The following PTPRJ variants were observed in gnomAD, a reference collection of about 807,000 sequenced individuals.
PTPRJ encodes the protein receptor-type tyrosine-protein phosphatase eta.
Under a neutral mutation model 141.3 loss-of-function variants are expected in PTPRJ, and 129 were observed. The observed-to-expected ratio is 0.91, with a 90% confidence interval of 0.79 to 1.06. The LOEUF (loss-of-function observed/expected upper bound fraction) is 1.06, where lower values mean the gene tolerates loss of function less well. PTPRJ is among the 50% of genes least tolerant of loss of function. The pLI, the probability that PTPRJ is intolerant of heterozygous loss-of-function variation, is 0.00. For synonymous variants in PTPRJ, 610 were observed against 640.5 expected (o/e 0.95, Z 0.72); for missense variants, 1,601 against 1,679.7 (o/e 0.95, Z 0.82).
intron 1 of PTPRJ, among the ~76,000 whole-genome samples, chr11:47,994,656 T>G (rs1291418607): frequency 6.6e-6 from 1 of 151,718 alleles, no homozygotes; most frequent in East Asian, 1.9e-4. Context: ...CAGGGTGAGA[T>G]TCTGTCTCAA....
intron 1 of PTPRJ, among the ~76,000 whole-genome samples, chr11:48,092,451 A>G (rs1377423727): frequency 6.6e-6 from 1 of 150,738 alleles, no homozygotes; most frequent in Admixed American, 6.6e-5. Context: ...TTTTTTTGAG[A>G]CAGAGTCTTG....
At chr11:48,138,045 C>T (rs929007679) in intron 10 of PTPRJ, among the ~76,000 whole-genome samples, 2 of 152,180 alleles carry the variant, frequency 1.3e-5, no homozygotes, top group African/African-American at 2.4e-5. Context: ...ACTCAGCACC[C>T]GTGCACTACT....
At chr11:48,052,010 C>CGAT (rs973010407) in intron 1 of PTPRJ, among the ~76,000 whole-genome samples, 1 of 152,212 alleles carries the variant, frequency 6.6e-6, no homozygotes, top group East Asian at 1.9e-4. Context: ...CAATAAAGAT[C>CGAT]GATGATGATG....
intron 3 of PTPRJ, among the ~76,000 whole-genome samples, chr11:48,114,294 C>T (rs535849279): frequency 1.4e-3 from 208 of 151,686 alleles, no homozygotes; most frequent in Non-Finnish European, 2.4e-3. Context: ...AAAAATTAGC[C>T]GGGTGTGGTC....
Position 48,097,620 on chromosome 11 carries a change from C to T in PTPRJ, c.97-12438C>T, listed in dbSNP as rs569368562. Among the ~76,000 whole-genome samples the T allele has an allele frequency of 3.3e-5, 5 of 152,014 alleles. No individual in the cohort carries two copies. The East Asian group carries it at 9.7e-4, about 29-fold the overall frequency. ...TGGCGTGATCTCAGCTCACTGCAAC[C>T]TCCGCCTCCCGGGTTCAAGCAATTC... On this transcript the variant is annotated intron_variant, in intron 1 of 24. Transcript: ENST00000418331.
chr11:47,993,301 G>A (rs1854243464), intron 1 of PTPRJ, among the ~76,000 whole-genome samples: 1 of 151,908 alleles, frequency 6.6e-6, no homozygotes, highest in South Asian at 2.1e-4. Context: ...TTGTTTGTTT[G>A]TTTTCTTTTT....
chr11:48,163,695 CT>C, intron 23 of PTPRJ, 77 bp downstream of exon 23: 12 of 1,453,222 alleles, frequency 8.3e-6, no homozygotes, highest in Non-Finnish European at 1.1e-5. Flanking sequence ...AAAGCAAAGC[CT>C]AAGAGGGAAT....
chr11:48,059,044 C>T (rs1852492164), intron 1 of PTPRJ, among the ~76,000 whole-genome samples: 2 of 151,740 alleles, frequency 1.3e-5, no homozygotes, highest in Admixed American at 1.3e-4. Flanking sequence ...GAGGCCGGCC[C>T]TGATCAGCTG....
intron 1 of PTPRJ, among the ~76,000 whole-genome samples, chr11:48,051,190 G>A (rs996033401): frequency 4.1e-5 from 6 of 145,648 alleles, no homozygotes; most frequent in Non-Finnish European, 7.4e-5. Flanking sequence ...CTGCCTCCCG[G>A]ATTCAAGCGA....
At chr11:48,109,920 C>T in intron 1 of PTPRJ, 138 bp from the exon 2 acceptor site, 1 of 949,252 alleles carries the variant, frequency 1.1e-6, no homozygotes, top group Non-Finnish European at 1.7e-6. Flanking sequence ...GACGGCCTAA[C>T]CCTGACCAGC....
At chr11:48,128,965 G>A (rs1257038882) in intron 7 of PTPRJ, among the ~76,000 whole-genome samples, 1 of 152,144 alleles carries the variant, frequency 6.6e-6, no homozygotes, top group African/African-American at 2.4e-5. Flanking sequence ...TATTAGTTAG[G>A]ATTAGGTTCA....
At chr11:47,992,260 G>A (rs1341473617) in intron 1 of PTPRJ, among the ~76,000 whole-genome samples, 2 of 151,778 alleles carry the variant, frequency 1.3e-5, no homozygotes, top group African/African-American at 2.4e-5. Flanking sequence ...TGTAACCTCC[G>A]CCTTCTGGGT....
chr11:48,078,795 GTTTTTTTT>G (rs55980751), intron 1 of PTPRJ, among the ~76,000 whole-genome samples: 2,396 of 96,422 alleles, frequency 0.025, 86 homozygotes, highest in African/African-American at 0.091. Flanking sequence ...TCTGTAAATA[GTTTTTTTT>G]TTTTTTTTTT....
chr11:48,167,119 G>A lies in PTPRJ; in HGVS notation c.3856-85G>A, dbSNP rs1388933671. ...GATGGGGTTTGGGAGTTGGGCGGGGGAATGACCTGTTTGAAAATAATTTTG... is the reference window on the plus strand; with the variant it reads ...GATGGGGTTTGGGAGTTGGGCGGGGAAATGACCTGTTTGAAAATAATTTTG... On this transcript the variant is annotated intron_variant, in intron 24 of 24. Coordinates refer to ENST00000418331, the MANE Select transcript of PTPRJ (RefSeq NM_002843.4). The A allele has an allele frequency of 3.0e-6, 4 of 1,333,202 alleles. No homozygotes were observed. The African/African-American group carries it at 5.8e-5, about 19-fold the overall frequency. The allele number at this position is 1,333,202 out of a possible 1,614,324, so 82.6% of individuals were successfully genotyped here. A position where few individuals can be genotyped will look rare whatever the true frequency, so the allele number is the denominator to read the frequency against.
intron 1 of PTPRJ, among the ~76,000 whole-genome samples, chr11:47,997,565 C>G (rs909124363): frequency 1.3e-5 from 2 of 152,150 alleles, no homozygotes; most frequent in Non-Finnish European, 2.9e-5. Context: ...CTAGTGTTTT[C>G]AGCCTCGGCT....
chr11:48,156,192 A>T, intron 21 of PTPRJ, 73 bp downstream of exon 21: 1 of 1,322,088 alleles, frequency 7.6e-7, no homozygotes, highest in South Asian at 1.4e-5. Flanking sequence ...AGGGTATCTT[A>T]AAAACCATTT....
At chr11:48,041,897 G>A (rs971917253) in intron 1 of PTPRJ, among the ~76,000 whole-genome samples, 1 of 149,876 alleles carries the variant, frequency 6.7e-6, no homozygotes, top group African/African-American at 2.5e-5. Context: ...ACAGGTATGA[G>A]CTACCGCACC....
chr11:48,138,280 C>T (rs1857151186), intron 10 of PTPRJ, among the ~76,000 whole-genome samples: 1 of 152,170 alleles, frequency 6.6e-6, no homozygotes, highest in Non-Finnish European at 1.5e-5. Context: ...AGACACCCAT[C>T]TTTGATATTT....
chr11:48,071,296 T>C (rs2134272958), intron 1 of PTPRJ, among the ~76,000 whole-genome samples: 1 of 152,308 alleles, frequency 6.6e-6, no homozygotes, highest in African/African-American at 2.4e-5. Context: ...CTTTTGCTGC[T>C]GTAACAGAAT....
Sources: allele counts gnomAD v4.1 joint callset (sites outside exome capture counted in the v4.1 genomes callset), GRCh38; gene constraint gnomAD v4.1.1; transcripts MANE v1.5; gene names NCBI Gene and HGNC (gene_info 2026-07-23, HGNC 2026-07-21).